CCDC73: variants seen among roughly 807,000 people sequenced by gnomAD.
The protein encoded by CCDC73 is coiled-coil domain-containing protein 73.
A neutral mutation model predicts 116.5 loss-of-function variants in CCDC73; 95 were observed. That is an observed-to-expected ratio of 0.82 (90% CI 0.69 to 0.97). The LOEUF (loss-of-function observed/expected upper bound fraction) is 0.97, where lower values mean the gene tolerates loss of function less well. Ranked by LOEUF, CCDC73 falls within the 50% of genes least tolerant of loss-of-function variation. The pLI is 0.00. For synonymous variants in CCDC73, 398 were observed against 401.3 expected (o/e 0.99, Z 0.10); for missense variants, 1,066 against 1,206.8 (o/e 0.88, Z 1.73).
chr11:32,724,305 G>A (rs1012680241), intron 2 of CCDC73, among the ~76,000 whole-genome samples: 1 of 152,004 alleles, frequency 6.6e-6, no homozygotes, highest in African/African-American at 2.4e-5. Flanking sequence ...AATTTAATGT[G>A]CCCTTTCTGA....
chr11:32,746,261 T>G lies in CCDC73; in HGVS notation c.135+13848A>C, dbSNP rs185074954. 3.5e-3 allele frequency among the ~76,000 whole-genome samples: 539 copies of G among 152,362 alleles called. 6 individuals carry two copies. The highest frequency in any genetic ancestry group is 0.013 in the African/African-American group (520 of 41,590). ...GAATGTTGAATATTTGCCCCCACTCTCTTCTGGCTTGTAGAGTTTCTGCTG... is the reference window on the plus strand; with the variant it reads ...GAATGTTGAATATTTGCCCCCACTCGCTTCTGGCTTGTAGAGTTTCTGCTG... On this transcript the variant is annotated intron_variant, in intron 2 of 17. Transcript: ENST00000335185.
At chr11:32,629,625 C>T (rs1855610037) in intron 14 of CCDC73, among the ~76,000 whole-genome samples, 2 of 151,994 alleles carry the variant, frequency 1.3e-5, no homozygotes, top group South Asian at 4.1e-4. Flanking sequence ...GTCTCGATCT[C>T]CTGACCTCAT....
At chr11:32,666,554 A>T (rs904522429) in intron 9 of CCDC73, among the ~76,000 whole-genome samples, 5 of 151,964 alleles carry the variant, frequency 3.3e-5, no homozygotes, top group Non-Finnish European at 7.4e-5. Context: ...CTAGTTAGCC[A>T]TTCATCTCAT....
At chr11:32,633,039 A>G (rs1184362125) in intron 14 of CCDC73, among the ~76,000 whole-genome samples, 2 of 152,140 alleles carry the variant, frequency 1.3e-5, no homozygotes, top group Non-Finnish European at 2.9e-5. Flanking sequence ...AATGAATGAA[A>G]TCAAAACCTG....
At chr11:32,819,979 AT>A in the CCDC73 span, among the ~76,000 whole-genome samples, 2 of 152,092 alleles carry the variant, frequency 1.3e-5, no homozygotes, top group African/African-American at 4.8e-5. Flanking sequence ...GGAATTAGGC[AT>A]TTTTCTTCTC....
At chr11:32,709,136 C>CT (rs1372917026) in intron 3 of CCDC73, among the ~76,000 whole-genome samples, 2 of 152,130 alleles carry the variant, frequency 1.3e-5, no homozygotes, top group Non-Finnish European at 2.9e-5. Context: ...TTGCCAAATA[C>CT]TTTTTCTGTG....
intron 6 of CCDC73, among the ~76,000 whole-genome samples, chr11:32,695,277 G>A (rs376310575): frequency 6.6e-6 from 1 of 151,724 alleles, no homozygotes; most frequent in Non-Finnish European, 1.5e-5. Context: ...GGTGAGGCAG[G>A]AGAATCGCTT....
intron 1 of CCDC73, among the ~76,000 whole-genome samples, chr11:32,772,215 C>A (rs777022917): frequency 1.3e-5 from 2 of 152,182 alleles, no homozygotes; most frequent in Non-Finnish European, 2.9e-5. Flanking sequence ...CTGCTCTCTA[C>A]ATTGTCTCTT....
At chr11:32,605,160 CTTTTTTTTT>C (rs548347158) in intron 17 of CCDC73, 3 of 125,698 alleles carry the variant, frequency 2.4e-5, no homozygotes, top group Non-Finnish European at 1.7e-5. Context: ...CCTAGTAATA[CTTTTTTTTT>C]TTTTTTTTTT....
intron 3 of CCDC73, among the ~76,000 whole-genome samples, chr11:32,715,541 G>A (rs1849937380): frequency 1.3e-5 from 2 of 151,460 alleles, no homozygotes; most frequent in South Asian, 2.1e-4. Flanking sequence ...CCACCTACAT[G>A]CCATCATGAC....
chr11:32,763,833 T>G (rs1850415134), intron 1 of CCDC73, among the ~76,000 whole-genome samples: 1 of 152,126 alleles, frequency 6.6e-6, no homozygotes, highest in Non-Finnish European at 1.5e-5. Context: ...AGGAGGAAGT[T>G]CAAACCCATC....
At chr11:32,639,411 C>T (rs1404453712) in intron 13 of CCDC73, among the ~76,000 whole-genome samples, 1 of 151,998 alleles carries the variant, frequency 6.6e-6, no homozygotes, top group Non-Finnish European at 1.5e-5. Flanking sequence ...GTGTCTAACA[C>T]ATAGTATATG....
chr11:32,665,116 G>T (rs1855968204), intron 9 of CCDC73, among the ~76,000 whole-genome samples: 1 of 152,204 alleles, frequency 6.6e-6, no homozygotes, highest in African/African-American at 2.4e-5. Flanking sequence ...ATGTGGTGCT[G>T]AGAAAAATGT....
intron 12 of CCDC73, among the ~76,000 whole-genome samples, chr11:32,643,817 A>G (rs958064669): frequency 3.3e-5 from 5 of 151,986 alleles, no homozygotes; most frequent in African/African-American, 1.2e-4. Flanking sequence ...GCTACACTAA[A>G]TTTTTTTAAT....
intron 2 of CCDC73, among the ~76,000 whole-genome samples, chr11:32,747,895 C>T (rs536728992): frequency 5.9e-5 from 9 of 152,360 alleles, no homozygotes; most frequent in South Asian, 2.1e-4. Flanking sequence ...TGACCTCTTG[C>T]GCTTCCTGGG....
intron 2 of CCDC73, among the ~76,000 whole-genome samples, chr11:32,746,620 C>T (rs1283188126): frequency 2.0e-5 from 3 of 151,952 alleles, no homozygotes; most frequent in Admixed American, 6.6e-5. Flanking sequence ...AGGCTTTGTT[C>T]GTTTCTTTTC....
intron 2 of CCDC73, among the ~76,000 whole-genome samples, chr11:32,724,626 G>A (rs1850015706): frequency 6.6e-6 from 1 of 151,358 alleles, no homozygotes; most frequent in South Asian, 2.1e-4. Flanking sequence ...TGTATTTCTA[G>A]TTTTTCTTCA....
rs745956984 is a variant in CCDC73, at chr11:32,654,888, TTG to T, written c.728_729del (p.Thr243AsnfsTer2). 6.9e-6 allele frequency: 11 copies of T among 1,600,398 alleles called. No homozygotes were observed. In the South Asian group the frequency reaches 1.2e-4, roughly 18 times the overall value. On this transcript the variant is annotated frameshift_variant, in exon 10 of 18. Coordinates refer to ENST00000335185, the MANE Select transcript of CCDC73 (RefSeq NM_001008391.4). LOFTEE classifies it high-confidence loss of function. ...YKMGEENINL[T>X]IKEQKFQELQ... ...AGTTCTTGAAATTTTTGTTCTTTAA[TTG>T]TTAGATTGATGTTTTCTTCTCCCAT... is the stretch of plus-strand genomic sequence containing the variant.
intron 1 of CCDC73, among the ~76,000 whole-genome samples, chr11:32,768,421 T>C (rs1027974286): frequency 1.3e-5 from 2 of 152,040 alleles, no homozygotes; most frequent in African/African-American, 4.8e-5. Context: ...TGTATACATA[T>C]GTAACAAACC....
Sources: allele counts gnomAD v4.1 joint callset (sites outside exome capture counted in the v4.1 genomes callset), GRCh38; gene constraint gnomAD v4.1.1; transcripts MANE v1.5; gene names NCBI Gene and HGNC (gene_info 2026-07-23, HGNC 2026-07-21).